Variants in MAPRE1 observed in about 807,000 individuals in gnomAD.
MAPRE1 encodes the protein microtubule associated protein RP/EB family member 1.
Under a neutral mutation model 32.1 loss-of-function variants are expected in MAPRE1, and 5 were observed. The ratio of observed to expected loss-of-function variants is 0.16; its 90% confidence interval spans 0.08 to 0.33. The LOEUF (loss-of-function observed/expected upper bound fraction) is 0.33. Among genes scored for constraint, MAPRE1 ranks in the 10% least tolerant of loss-of-function variants. MAPRE1 has a pLI of 1.00. For missense variants in MAPRE1, 209 were observed against 327.2 expected (o/e 0.64, Z 2.79); for synonymous variants, 122 against 118.9 (o/e 1.03, Z -0.17).
intron 3 of MAPRE1, among the ~76,000 whole-genome samples, chr20:32,835,806 A>G (rs2146131500): frequency 6.6e-6 from 1 of 151,996 alleles, no homozygotes; most frequent in South Asian, 2.1e-4. Flanking sequence ...GGGTTTCACC[A>G]TATTGGCCAG....
chr20:32,831,477 T>A (rs554908953), intron 2 of MAPRE1, among the ~76,000 whole-genome samples: 35 of 151,936 alleles, frequency 2.3e-4, no homozygotes, highest in African/African-American at 8.0e-4. Flanking sequence ...TTTTTTTTTT[T>A]AACTCCTGTG....
At position 32,836,663 on chromosome 20, in the gene MAPRE1, A is replaced by C. The variant is rs1270096945; in HGVS notation, c.297A>C (p.Gly99=). ...TTCCTGTGGACAAATTAGTAAAAGG[A>C]AAGTTTCAGGACAATTTTGAATTCG... ...KIIPVDKLVK[G]KFQDNFEFVQ... Residue 99 remains glycine, a synonymous_variant, in exon 4 of 7, where the codon GGA becomes GGC. Coordinates refer to ENST00000375571, the MANE Select transcript of MAPRE1 (RefSeq NM_012325.3). 1 of 1,612,306 alleles carries C rather than the reference A, an allele frequency of 6.2e-7. No individual in the cohort carries two copies. The highest frequency in any genetic ancestry group is 1.7e-5 in the Admixed American group (1 of 59,910).
upstream of MAPRE1, chr20:32,819,910 A>C (rs1445906568): frequency 1.4e-5 from 2 of 143,178 alleles, no homozygotes; most frequent in Admixed American, 1.4e-4. Flanking sequence ...TCGGCGCGTA[A>C]CGAGGGGGTG....
At chr20:32,820,478 G>A (rs1249799051) in intron 1 of MAPRE1, among the ~76,000 whole-genome samples, 1 of 152,124 alleles carries the variant, frequency 6.6e-6, no homozygotes, top group Non-Finnish European at 1.5e-5. Flanking sequence ...GTGTGACCTT[G>A]GACAGGTGCT....
intron 5 of MAPRE1, among the ~76,000 whole-genome samples, chr20:32,840,406 A>G (rs185441600): frequency 2.9e-4 from 44 of 152,220 alleles, no homozygotes; most frequent in African/African-American, 1.0e-3. Context: ...ACATTTTCCC[A>G]CTAATCCTTG....
intron 5 of MAPRE1, among the ~76,000 whole-genome samples, chr20:32,842,834 G>A (rs1357016792): frequency 1.3e-5 from 2 of 152,326 alleles, no homozygotes; most frequent in East Asian, 3.9e-4. Flanking sequence ...CTCTTATGGG[G>A]GAGAGTGTGA....
intron 2 of MAPRE1, among the ~76,000 whole-genome samples, chr20:32,833,177 G>A (rs1450109390): frequency 6.6e-6 from 1 of 152,034 alleles, no homozygotes; most frequent in East Asian, 1.9e-4. Flanking sequence ...ACTCCAGCCT[G>A]GGCGACAGTG....
chr20:32,836,498 T>C, intron 3 of MAPRE1, 136 bp from the exon 4 acceptor site: 1 of 599,350 alleles, frequency 1.7e-6, no homozygotes. Context: ...TTTATAAATT[T>C]AGGGGCTTAG....
chr20:32,839,216 G>C lies in MAPRE1; in HGVS notation c.476-519G>C, dbSNP rs150330692. On this transcript the variant is annotated intron_variant, in intron 4 of 6. Coordinates refer to ENST00000375571, the MANE Select transcript of MAPRE1 (RefSeq NM_012325.3). ...AGGAGTCTGAGGTGAGGAGTTAGGA[G>C]GGACCTAACTTTCCAGATGGGGAGC... is the stretch of plus-strand genomic sequence containing the variant. 5.3e-3 allele frequency among the ~76,000 whole-genome samples: 806 copies of C among 152,324 alleles called. 8 individuals are homozygous for C. Among genetic ancestry groups the C allele is most frequent in the African/African-American group, 0.018 (766 of 41,570 alleles).
chr20:32,833,991 A>G (rs780544670), intron 3 of MAPRE1, 129 bp downstream of exon 3: 1 of 885,628 alleles, frequency 1.1e-6, no homozygotes, highest in Non-Finnish European at 1.6e-6. Context: ...TTTCTCAGTT[A>G]ACACAGAATT....
At chr20:32,828,697 G>A (rs1982936019) in intron 2 of MAPRE1, among the ~76,000 whole-genome samples, 2 of 152,152 alleles carry the variant, frequency 1.3e-5, no homozygotes, top group African/African-American at 2.4e-5. Context: ...CATTTGATGG[G>A]GGCACATCCT....
At chr20:32,848,420 T>G (rs1983563369) in intron 6 of MAPRE1, among the ~76,000 whole-genome samples, 1 of 152,188 alleles carries the variant, frequency 6.6e-6, no homozygotes, top group Non-Finnish European at 1.5e-5. Context: ...ATGACATGGG[T>G]GAAATTACCA....
intron 2 of MAPRE1, among the ~76,000 whole-genome samples, chr20:32,832,807 CTTTTTTT>C (rs35277682): frequency 0.027 from 1,592 of 58,898 alleles, 16 homozygotes; most frequent in Middle Eastern, 0.05. Flanking sequence ...CAGAGTTTCG[CTTTTTTT>C]TTTTTTTTTT....
chr20:32,841,529 A>C (rs1048558583), intron 5 of MAPRE1, among the ~76,000 whole-genome samples: 34 of 151,428 alleles, frequency 2.2e-4, no homozygotes, highest in African/African-American at 8.0e-4. Flanking sequence ...GGTTAGTTAC[A>C]TATGTATACA....
intron 2 of MAPRE1, among the ~76,000 whole-genome samples, chr20:32,830,917 G>C (rs1023502789): frequency 6.6e-6 from 1 of 151,904 alleles, no homozygotes. Context: ...GTAGAGACGG[G>C]GTTTCACCGT....
rs950398523 is a variant in MAPRE1, at chr20:32,846,153, A to G, written c.598-465A>G. 3.3e-5 allele frequency among the ~76,000 whole-genome samples: 5 copies of G among 152,290 alleles called. No individual in the cohort carries two copies. In the South Asian group the frequency reaches 1.0e-3, roughly 32 times the overall value. ...CTCTTAATGGGAATCAGAGACCCTCAGTGGGGCTCATGGAGGGTCAGAGCA... is the reference window on the plus strand; with the variant it reads ...CTCTTAATGGGAATCAGAGACCCTCGGTGGGGCTCATGGAGGGTCAGAGCA... On this transcript the variant is annotated intron_variant, in intron 5 of 6. Coordinates refer to ENST00000375571, the MANE Select transcript of MAPRE1 (RefSeq NM_012325.3).
intron 5 of MAPRE1, among the ~76,000 whole-genome samples, chr20:32,845,887 C>G (rs1001618269): frequency 1.3e-5 from 2 of 152,116 alleles, no homozygotes; most frequent in African/African-American, 4.8e-5. Context: ...GTGGCTGTAC[C>G]TTTGATTTTG....
At chr20:32,848,525 A>G in intron 6 of MAPRE1, 147 bp from the exon 7 acceptor site, 1 of 506,784 alleles carries the variant, frequency 2.0e-6, no homozygotes, top group Non-Finnish European at 3.5e-6. Context: ...ATGCAATTCT[A>G]CTACCCAAGA....
intron 5 of MAPRE1, among the ~76,000 whole-genome samples, chr20:32,845,036 A>ATGTATGTATGT (rs1555848115): frequency 7.1e-6 from 1 of 141,446 alleles, no homozygotes; most frequent in East Asian, 2.2e-4. Flanking sequence ...TGTATGTATG[A>ATGTATGTATGT]ATGAATGAAT....
Sources: allele counts gnomAD v4.1 joint callset (sites outside exome capture counted in the v4.1 genomes callset), GRCh38; gene constraint gnomAD v4.1.1; transcripts MANE v1.5; gene names NCBI Gene and HGNC (gene_info 2026-07-23, HGNC 2026-07-21).